Variants in CPED1 observed in about 807,000 individuals in gnomAD.
CPED1 encodes cadherin like and PC-esterase domain containing 1, also known as cadherin-like and PC-esterase domain-containing protein 1.
Under a neutral mutation model 128.2 loss-of-function variants are expected in CPED1, and 114 were observed. The ratio of observed to expected loss-of-function variants is 0.89; its 90% confidence interval spans 0.76 to 1.04. CPED1 has a LOEUF of 1.04. Among genes scored for constraint, CPED1 ranks in the 50% least tolerant of loss-of-function variants. The pLI, the probability that CPED1 is intolerant of heterozygous loss-of-function variation, is 0.00. For missense variants in CPED1, 1,211 were observed against 1,207.1 expected, an observed-to-expected ratio of 1.00 and a Z score of -0.05; for synonymous variants, 462 against 426.7, an observed-to-expected ratio of 1.08 and a Z score of -1.02.
intron 22 of CPED1, among the ~76,000 whole-genome samples, chr7:121,287,852 G>A (rs976467140): frequency 2.0e-5 from 3 of 152,018 alleles, no homozygotes; most frequent in African/African-American, 7.3e-5. Flanking sequence ...AAATATCATT[G>A]TTGAATTTAG....
intron 7 of CPED1, among the ~76,000 whole-genome samples, chr7:121,117,977 G>A (rs766943062): frequency 4.0e-5 from 6 of 151,588 alleles, no homozygotes; most frequent in Non-Finnish European, 7.4e-5. Flanking sequence ...GCAAGTGAAG[G>A]ATGCCAATCA....
chr7:121,030,796 A>G (rs1167690374), intron 3 of CPED1, among the ~76,000 whole-genome samples: 2 of 152,230 alleles, frequency 1.3e-5, no homozygotes, highest in African/African-American at 4.8e-5. Flanking sequence ...CCATAGTTTC[A>G]GGCATCCACT....
At chr7:121,232,903 C>T (rs1246910626) in intron 16 of CPED1, among the ~76,000 whole-genome samples, 3 of 152,088 alleles carry the variant, frequency 2.0e-5, no homozygotes, top group Non-Finnish European at 2.9e-5. Context: ...TTTAAAGACA[C>T]AGATCAGCTC....
intron 5 of CPED1, among the ~76,000 whole-genome samples, chr7:121,079,836 C>A (rs1227920012): frequency 6.6e-6 from 1 of 152,324 alleles, no homozygotes; most frequent in South Asian, 2.1e-4. Context: ...CAGACACTTA[C>A]CTATTTCACT....
chr7:121,048,091 T>C (rs915334280), intron 4 of CPED1, among the ~76,000 whole-genome samples: 1 of 152,148 alleles, frequency 6.6e-6, no homozygotes, highest in African/African-American at 2.4e-5. Flanking sequence ...CAACCAACTT[T>C]TCTCTGCCCA....
At chr7:121,138,426 A>T (rs538576595) in intron 14 of CPED1, among the ~76,000 whole-genome samples, 1 of 152,210 alleles carries the variant, frequency 6.6e-6, no homozygotes, top group East Asian at 1.9e-4. Context: ...GGCAACACTG[A>T]TACTTCAGTG....
At chr7:121,126,926 A>G (rs1285453749) in intron 9 of CPED1, among the ~76,000 whole-genome samples, 164 bp from the exon 10 acceptor site, 2 of 151,970 alleles carry the variant, frequency 1.3e-5, no homozygotes, top group African/African-American at 4.8e-5. Context: ...TGTATCTTTA[A>G]AAAAAATTAC....
At chr7:121,120,139 C>T (rs759141722) in intron 7 of CPED1, among the ~76,000 whole-genome samples, 2 of 152,146 alleles carry the variant, frequency 1.3e-5, no homozygotes, top group Admixed American at 6.5e-5. Flanking sequence ...TTGAGACCTG[C>T]TTTCAGTTAT....
intron 20 of CPED1, 134 bp from the exon 21 acceptor site, chr7:121,267,081 T>C (rs963177939): frequency 4.7e-6 from 3 of 631,968 alleles, no homozygotes; most frequent in African/African-American, 3.7e-5. Flanking sequence ...ATCAAATATA[T>C]AAAACGAGCA....
At chr7:121,083,462 G>A (rs1794343342) in intron 5 of CPED1, among the ~76,000 whole-genome samples, 1 of 152,162 alleles carries the variant, frequency 6.6e-6, no homozygotes, top group African/African-American at 2.4e-5. Context: ...TGCCAAGCTG[G>A]TTTGTATAGC....
chr7:121,170,073 T>C lies in CPED1; in HGVS notation c.2055+27932T>C, dbSNP rs577706969. ...CTCCCCTAGATTTTTCTTCCTTGTC[T>C]TGCCATGCCTGCCACCTCACAAAGC... On this transcript the variant is annotated intron_variant, in intron 16 of 22. Coordinates refer to ENST00000310396, the MANE Select transcript of CPED1 (RefSeq NM_024913.5). 2.0e-5 allele frequency among the ~76,000 whole-genome samples: 3 copies of C among 152,328 alleles called. No individual in the cohort carries two copies. The South Asian group carries it at 6.2e-4, about 32-fold the overall frequency.
chr7:121,176,320 G>A (rs1796778825), intron 16 of CPED1, among the ~76,000 whole-genome samples: 1 of 150,786 alleles, frequency 6.6e-6, no homozygotes, highest in Non-Finnish European at 1.5e-5. Context: ...TCACAAAGTT[G>A]CAACATTAAT....
At chr7:121,047,715 C>CTTCTTCT (rs1563005068) in intron 4 of CPED1, among the ~76,000 whole-genome samples, 1 of 76,034 alleles carries the variant, frequency 1.3e-5, no homozygotes, top group South Asian at 3.6e-4. Flanking sequence ...TCTTCTTCTT[C>CTTCTTCT]TTTTTTTTTT....
intron 16 of CPED1, among the ~76,000 whole-genome samples, chr7:121,218,841 A>C (rs1295254724): frequency 6.6e-6 from 1 of 152,092 alleles, no homozygotes; most frequent in African/African-American, 2.4e-5. Flanking sequence ...TGTATCCCAG[A>C]ACTTAAAGTA....
At chr7:120,997,644 G>A (rs1796429678) in intron 2 of CPED1, among the ~76,000 whole-genome samples, 1 of 152,180 alleles carries the variant, frequency 6.6e-6, no homozygotes, top group African/African-American at 2.4e-5. Flanking sequence ...CAGTAGATGG[G>A]GCGTGGTGGC....
intron 7 of CPED1, among the ~76,000 whole-genome samples, chr7:121,101,942 G>T (rs1794859477): frequency 6.6e-6 from 1 of 152,100 alleles, no homozygotes; most frequent in African/African-American, 2.4e-5. Flanking sequence ...ATGAGATTTG[G>T]AGGGGGCAAA....
intron 2 of CPED1, among the ~76,000 whole-genome samples, chr7:121,005,294 G>A (rs1190654228): frequency 6.6e-6 from 1 of 152,128 alleles, no homozygotes; most frequent in African/African-American, 2.4e-5. Flanking sequence ...ATTCCACGGT[G>A]TTTACGTGCC....
At chr7:121,045,294 T>C (rs1793166149) in intron 3 of CPED1, among the ~76,000 whole-genome samples, 1 of 152,212 alleles carries the variant, frequency 6.6e-6, no homozygotes, top group South Asian at 2.1e-4. Flanking sequence ...TTCCAGCATC[T>C]TGAGATACAT....
At chr7:121,148,069 T>C (rs1796066631) in intron 16 of CPED1, among the ~76,000 whole-genome samples, 1 of 152,162 alleles carries the variant, frequency 6.6e-6, no homozygotes, top group Admixed American at 6.6e-5. Context: ...TTATCAGTAA[T>C]TATTTAATAA....
Sources: gnomAD v4.1 joint callset for allele counts (sites outside exome capture counted in the v4.1 genomes callset) on GRCh38, gnomAD v4.1.1 for gene constraint, MANE v1.5 for transcripts, NCBI Gene and HGNC (gene_info 2026-07-23, HGNC 2026-07-21) for gene names.